The following STAB2 variants were observed in gnomAD, a reference collection of about 807,000 sequenced individuals.
STAB2 encodes the protein stabilin-2.
In STAB2, 288 loss-of-function variants were observed where a neutral mutation model predicts 338.1. The observed-to-expected ratio is 0.85, with a 90% confidence interval of 0.77 to 0.94. The LOEUF is 0.94. STAB2 is among the 40% of genes least tolerant of loss of function. The pLI is 0.00. For missense variants in STAB2, 3,141 were observed against 3,210.1 expected (o/e 0.98, Z 0.52); for synonymous variants, 1,202 against 1,193.3 (o/e 1.01, Z -0.15).
At chr12:103,667,940 G>T (rs189832692) in intron 19 of STAB2, among the ~76,000 whole-genome samples, 1 of 152,286 alleles carries the variant, frequency 6.6e-6, no homozygotes, top group Non-Finnish European at 1.5e-5. Context: ...TGATCCTAAA[G>T]TCTGTACGTG....
chr12:103,691,648 G>T (rs1877946789), intron 30 of STAB2, among the ~76,000 whole-genome samples: 3 of 152,160 alleles, frequency 2.0e-5, no homozygotes, highest in Admixed American at 2.0e-4. Flanking sequence ...CATATCCCAG[G>T]CCCTACAGAT....
At chr12:103,645,190 A>T (rs1370876695) in intron 9 of STAB2, among the ~76,000 whole-genome samples, 2 of 152,258 alleles carry the variant, frequency 1.3e-5, no homozygotes, top group Non-Finnish European at 2.9e-5. Flanking sequence ...GCCTTAAGAC[A>T]GCAAGAGACA....
At chr12:103,710,615 G>A (rs1879765903) in intron 39 of STAB2, among the ~76,000 whole-genome samples, 1 of 152,300 alleles carries the variant, frequency 6.6e-6, no homozygotes, top group South Asian at 2.1e-4. Flanking sequence ...CATAAAACAT[G>A]ATTGAAATGC....
intron 33 of STAB2, among the ~76,000 whole-genome samples, chr12:103,696,239 C>T (rs1311040760): frequency 6.6e-6 from 1 of 151,930 alleles, no homozygotes; most frequent in East Asian, 1.9e-4. Context: ...CACATGGTTT[C>T]TCCAGAGCAG....
chr12:103,630,616 A>G (rs1001231531), intron 5 of STAB2, among the ~76,000 whole-genome samples: 4 of 152,192 alleles, frequency 2.6e-5, no homozygotes, highest in Admixed American at 6.5e-5. Context: ...ATGTAATCAC[A>G]AGAGTTGTTA....
Position 103,737,534 on chromosome 12 carries a change from A to T in STAB2, c.5551-100A>T, listed in dbSNP as rs79079338. ...GTCTTGCAGTTACTGGCCATGTTAC[A>T]TGGCTGGGAAAGAAGAGATGTGTGA... On this transcript the variant is annotated intron_variant, in intron 52 of 68. Coordinates refer to ENST00000388887, the MANE Select transcript of STAB2 (RefSeq NM_017564.10). The T allele has an allele frequency of 3.5e-4, 475 of 1,344,850 alleles. 5 individuals carry two copies. In the African/African-American group the frequency reaches 6.7e-3, roughly 19 times the overall value. The allele number at this position is 1,344,850 out of a possible 1,614,324, so 83.3% of individuals were successfully genotyped here. A position where few individuals can be genotyped will look rare whatever the true frequency, so the allele number is the denominator to read the frequency against.
At chr12:103,589,258 T>C (rs577565559) in intron 1 of STAB2, among the ~76,000 whole-genome samples, 89 of 152,324 alleles carry the variant, frequency 5.8e-4, no homozygotes, top group Non-Finnish European at 9.4e-4. Context: ...AACCTATTAT[T>C]AGGCCCGTGG....
chr12:103,625,422 CAT>C (rs987035445), intron 5 of STAB2, among the ~76,000 whole-genome samples: 1 of 152,170 alleles, frequency 6.6e-6, no homozygotes, highest in Non-Finnish European at 1.5e-5. Flanking sequence ...AGCTTAGTTA[CAT>C]ATGTGTACAT....
Position 103,676,021 on chromosome 12 carries a change from T to G in STAB2, c.2646T>G (p.Asn882Lys). The G allele has an allele frequency of 6.2e-7, 1 of 1,600,872 alleles. No individual in the cohort carries two copies. Among genetic ancestry groups the G allele is most frequent in the Non-Finnish European group, 8.5e-7 (1 of 1,174,696 alleles). Residue 882 changes from asparagine to lysine, a missense_variant and splice_region_variant, in exon 24 of 69, where the codon AAT becomes AAG. Asn to Lys is a moderately conservative substitution (Grantham distance 94). Transcript: ENST00000388887. ...TGLTPGGCSR[N>K]AECIKTGTGT... is the part of the protein sequence containing the mutation. ...TAACTCCAGGAGGCTGTAGCCGCAATGTGAGTACTGGTCTTCATTTCCACC... is the reference window on the plus strand; with the variant it reads ...TAACTCCAGGAGGCTGTAGCCGCAAGGTGAGTACTGGTCTTCATTTCCACC...
At chr12:103,698,994 T>C in intron 33 of STAB2, 102 bp from the exon 34 acceptor site, 1 of 1,411,878 alleles carries the variant, frequency 7.1e-7, no homozygotes, top group Admixed American at 2.4e-5. Flanking sequence ...TTGGACAAGC[T>C]GTTGTTCCTC....
At chr12:103,604,052 A>C (rs1956991516) in intron 3 of STAB2, among the ~76,000 whole-genome samples, 1 of 152,162 alleles carries the variant, frequency 6.6e-6, no homozygotes, top group Admixed American at 6.5e-5. Flanking sequence ...GATTTTGTAT[A>C]TTGACCTCAT....
intron 5 of STAB2, among the ~76,000 whole-genome samples, chr12:103,626,399 C>T (rs1350418121): frequency 6.6e-6 from 1 of 152,158 alleles, no homozygotes; most frequent in Admixed American, 6.5e-5. Flanking sequence ...TTGAAACAGA[C>T]CCTAATTGCT....
In STAB2 at chr12:103,661,143, T is replaced by C. The variant is rs534180125; in HGVS notation, c.1869+380T>C. ...GCATCTTCAGGCCAGGAGGTCCTCA[T>C]TGAGGAGGTGATGCTTTGGCCATGC... On this transcript the variant is annotated intron_variant, in intron 17 of 68. Transcript: ENST00000388887. Among the ~76,000 whole-genome samples, 129 of 150,792 alleles carry C rather than the reference T, an allele frequency of 8.6e-4. 1 individual carries two copies. Among genetic ancestry groups the C allele is most frequent in the African/African-American group, 2.9e-3 (120 of 40,868 alleles).
rs1383940134 is a variant in STAB2, at chr12:103,655,405, A to C, written c.1609-51A>C. ...ATAAATTTCTGGCGAATTATGTTAA[A>C]TATTTGTCCAAGGTAGGCTGCAGAT... is the stretch of plus-strand genomic sequence containing the variant. On this transcript the variant is annotated intron_variant, in intron 14 of 68. Coordinates refer to ENST00000388887, the MANE Select transcript of STAB2 (RefSeq NM_017564.10). The C allele has an allele frequency of 6.8e-6, 11 of 1,607,604 alleles. No homozygotes were observed. The Admixed American group carries it at 1.9e-4, about 27-fold the overall frequency.
intron 36 of STAB2, 130 bp from the exon 37 acceptor site, chr12:103,705,502 A>C (rs1459654817): frequency 2.8e-6 from 2 of 705,376 alleles, no homozygotes; most frequent in African/African-American, 3.6e-5. Flanking sequence ...CAGTGCCAAC[A>C]AGCCACCACC....
chr12:103,639,071 C>A (rs1251813132), intron 8 of STAB2, among the ~76,000 whole-genome samples: 1 of 152,116 alleles, frequency 6.6e-6, no homozygotes, highest in African/African-American at 2.4e-5. Flanking sequence ...GGAAGGATTG[C>A]AGAAAAATTC....
intron 44 of STAB2, among the ~76,000 whole-genome samples, chr12:103,719,574 G>A (rs374778303): frequency 3.3e-5 from 5 of 152,150 alleles, no homozygotes; most frequent in South Asian, 2.1e-4. Flanking sequence ...GCCTGCGGCC[G>A]CATCACTCCA....
Position 103,737,926 on chromosome 12 carries a change from G to C in STAB2, c.5697+146G>C, listed in dbSNP as rs372923400. On this transcript the variant is annotated intron_variant, in intron 53 of 68. Transcript: ENST00000388887. The stretch of plus-strand genomic sequence containing the variant: ...GAAGACCTGAGGGCCAAATGATGTA[G>C]TTCTTTAGACTCAGAAGCAACAGGC... The C allele has an allele frequency of 1.4e-4, 152 of 1,065,178 alleles. 1 individual carries two copies. In the East Asian group the frequency reaches 2.8e-3, roughly 20 times the overall value. 66.0% of individuals were successfully genotyped at this position (1,065,178 alleles called of 1,614,324 possible). A position where few individuals can be genotyped will look rare whatever the true frequency, so the allele number is the denominator to read the frequency against.
At position 103,655,313 on chromosome 12, in the gene STAB2, C is replaced by G; in HGVS notation, c.1608+6C>G. 6.2e-7 allele frequency: 1 copy of G among 1,611,618 alleles called. No homozygotes were observed. The highest frequency in any genetic ancestry group is 1.7e-5 in the Admixed American group (1 of 59,658). ...AGTTCAGATCTTTGTTAGAGGTAAGCACTTTTCATAATTTTCTGAAAAATA... is the reference window on the plus strand; with the variant it reads ...AGTTCAGATCTTTGTTAGAGGTAAGGACTTTTCATAATTTTCTGAAAAATA... On this transcript the variant is annotated splice_donor_region_variant and intron_variant, in intron 14 of 68. Coordinates refer to ENST00000388887, the MANE Select transcript of STAB2 (RefSeq NM_017564.10).
Sources: allele counts gnomAD v4.1 joint callset (sites outside exome capture counted in the v4.1 genomes callset), GRCh38; gene constraint gnomAD v4.1.1; transcripts MANE v1.5; gene names NCBI Gene and HGNC (gene_info 2026-07-23, HGNC 2026-07-21).